The following SAMD4A variants were observed in gnomAD, a reference collection of about 807,000 sequenced individuals.
The protein encoded by SAMD4A is protein Smaug homolog 1.
In SAMD4A, 33 loss-of-function variants were observed where a neutral mutation model predicts 81.3. The ratio of observed to expected loss-of-function variants is 0.41; its 90% CI spans 0.31 to 0.54. The LOEUF (loss-of-function observed/expected upper bound fraction) is 0.54, where lower values mean the gene tolerates loss of function less well. SAMD4A is among the 20% of genes least tolerant of loss of function. The pLI is 0.37. For missense variants in SAMD4A, 854 were observed against 951.1 expected, an observed-to-expected ratio of 0.90 and a Z score of 1.34; for synonymous variants, 389 against 382.1, an observed-to-expected ratio of 1.02 and a Z score of -0.21.
In SAMD4A at chr14:54,619,686, A is replaced by C. The variant is rs189523270; in HGVS notation, c.196+51574A>C. 1.7e-3 allele frequency among the ~76,000 whole-genome samples: 257 copies of C among 152,076 alleles called. 5 individuals are homozygous for C. The highest frequency in any genetic ancestry group is 1.9e-3 in the East Asian group (10 of 5,176). On this transcript the variant is annotated intron_variant, in intron 2 of 12. Transcript: ENST00000554335. ...GTCCCAGTGTCTGTTGTTCCCCTCT[A>C]TGTGTCCAAGTGTTCTCATCATGTA...
At chr14:54,566,847 G>A (rs921691432), upstream of SAMD4A, among the ~76,000 whole-genome samples, 6 of 152,234 alleles carry the variant, frequency 3.9e-5, no homozygotes, top group Non-Finnish European at 8.8e-5. Context: ...CGCGGCGCGG[G>A]GGAGCCGGGG....
At chr14:54,674,192 C>A (rs1363551414) in intron 2 of SAMD4A, among the ~76,000 whole-genome samples, 2 of 152,216 alleles carry the variant, frequency 1.3e-5, no homozygotes, top group African/African-American at 4.8e-5. Context: ...CGGCAAGAAG[C>A]CTGGCAAGAG....
chr14:54,784,748 G>A (rs182234352), intron 12 of SAMD4A, 128 bp downstream of exon 12: 2 of 846,880 alleles, frequency 2.4e-6, no homozygotes, highest in East Asian at 2.5e-5. Flanking sequence ...GGTAGGCAGG[G>A]GACAGGGAGA....
intron 2 of SAMD4A, among the ~76,000 whole-genome samples, chr14:54,667,126 T>C (rs1241382447): frequency 2.0e-5 from 3 of 152,154 alleles, no homozygotes; most frequent in African/African-American, 7.2e-5. Context: ...TTTCACGCTC[T>C]TGTATTTTGC....
chr14:54,568,029 C>T lies in SAMD4A; in HGVS notation c.113C>T (p.Ala38Val). The T allele has an allele frequency of 6.2e-7, 1 of 1,604,836 alleles. No individual in the cohort carries two copies. The highest frequency in any genetic ancestry group is 8.5e-7 in the Non-Finnish European group (1 of 1,179,248). ...SLLKRVSQTQ[A>V]RFLQLCLEHS... ...CTCAAGCGCGTGAGCCAGACCCAGG[C>T]CCGCTTCCTCCAGCTCTGCCTGGAG... Residue 38 changes from alanine (A) to valine (V), a missense_variant, in exon 2 of 13, where the codon GCC (alanine) becomes GTC (valine). By Grantham distance (64) the Ala-to-Val change is moderately conservative. Around this residue, in one of 3 missense-constraint regions of SAMD4A, gnomAD observed 387 missense variants for 405.8 expected, o/e 0.95. Transcript: ENST00000554335.
At chr14:54,587,835 G>T (rs1375247444) in intron 2 of SAMD4A, among the ~76,000 whole-genome samples, 1 of 152,056 alleles carries the variant, frequency 6.6e-6, no homozygotes, top group Non-Finnish European at 1.5e-5. Flanking sequence ...CAGGGATATT[G>T]GTCTGTAGTT....
At chr14:54,784,313 C>G in intron 11 of SAMD4A, 1 of 1,518,304 alleles carries the variant, frequency 6.6e-7, no homozygotes, top group Non-Finnish European at 9.0e-7. Flanking sequence ...ACATGACCAG[C>G]TATTTTTAGT....
chr14:54,699,603 T>C (rs761931804), intron 2 of SAMD4A, among the ~76,000 whole-genome samples: 19 of 152,228 alleles, frequency 1.2e-4, no homozygotes, highest in Non-Finnish European at 1.9e-4. Context: ...GAAAAATGGC[T>C]CATTAATGAT....
intron 5 of SAMD4A, among the ~76,000 whole-genome samples, chr14:54,749,154 G>T (rs773086309): frequency 2.0e-5 from 3 of 152,136 alleles, no homozygotes; most frequent in Non-Finnish European, 4.4e-5. Context: ...GGGTCGTGAG[G>T]GTGAGATCAA....
At chr14:54,689,784 A>G (rs2036385394) in intron 2 of SAMD4A, 2 of 152,230 alleles carry the variant, frequency 1.3e-5, no homozygotes, top group African/African-American at 2.4e-5. Flanking sequence ...GACTGAGTAG[A>G]GGCAAGAGGA....
chr14:54,643,610 C>T (rs1043823110), intron 2 of SAMD4A, among the ~76,000 whole-genome samples: 2 of 152,180 alleles, frequency 1.3e-5, no homozygotes, highest in African/African-American at 2.4e-5. Flanking sequence ...TCCCTTTCAG[C>T]CGGTAGGCAA....
At chr14:54,788,855 G>A (rs1287738307) in intron 12 of SAMD4A, 61 bp from the exon 13 acceptor site, 4 of 1,609,460 alleles carry the variant, frequency 2.5e-6, no homozygotes, top group Non-Finnish European at 3.4e-6. Context: ...GTTGGCATAG[G>A]TGGGCACGAA....
At chr14:54,640,366 C>A (rs79367455) in intron 2 of SAMD4A, among the ~76,000 whole-genome samples, 1 of 152,208 alleles carries the variant, frequency 6.6e-6, no homozygotes, top group Non-Finnish European at 1.5e-5. Flanking sequence ...TAAGAGGTCC[C>A]TATTGACACA....
Position 54,598,357 on chromosome 14 carries a change from G to T in SAMD4A, c.196+30245G>T, listed in dbSNP as rs1053037703. ...ATGTAGTTACATGCAAATACACAATGAGGTAATACTGTATGCATCCTATTT... is the reference window on the plus strand; with the variant it reads ...ATGTAGTTACATGCAAATACACAATTAGGTAATACTGTATGCATCCTATTT... On this transcript the variant is annotated intron_variant, in intron 2 of 12. Coordinates refer to ENST00000554335, the MANE Select transcript of SAMD4A (RefSeq NM_015589.6). 8.5e-5 allele frequency among the ~76,000 whole-genome samples: 13 copies of T among 152,254 alleles called. No homozygotes were observed. In the East Asian group the frequency reaches 2.5e-3, roughly 29 times the overall value.
At chr14:54,597,676 A>C (rs1033462120) in intron 2 of SAMD4A, among the ~76,000 whole-genome samples, 2 of 138,094 alleles carry the variant, frequency 1.4e-5, no homozygotes, top group African/African-American at 2.8e-5. Context: ...TGCAGCCTCG[A>C]CCTCCCAGGT....
intron 2 of SAMD4A, among the ~76,000 whole-genome samples, chr14:54,630,955 T>TGTGTGTGTGTGTGA (rs1566557252): frequency 7.5e-6 from 1 of 133,776 alleles, no homozygotes; most frequent in African/African-American, 2.8e-5. Flanking sequence ...TGTGTGTGTG[T>TGTGTGTGTGTGTGA]GATGAGAAAT....
intron 2 of SAMD4A, among the ~76,000 whole-genome samples, chr14:54,616,620 T>C (rs985559209): frequency 1.2e-4 from 18 of 152,216 alleles, no homozygotes; most frequent in African/African-American, 4.3e-4. Context: ...GATATAGTCA[T>C]AATTACCATT....
Position 54,726,195 on chromosome 14 carries a change from G to A in SAMD4A, c.716-10829G>A, listed in dbSNP as rs369912520. Among the ~76,000 whole-genome samples, 15 of 152,124 alleles carry A rather than the reference G, an allele frequency of 9.9e-5. 1 individual carries two copies. The highest frequency in any genetic ancestry group is 5.2e-4 in the Admixed American group (8 of 15,268). ...CTGCAGCTGATTCACATTCAAATGGGGCCTGAGGCTGACCCCTGACCCTCT... is the reference window on the plus strand; with the variant it reads ...CTGCAGCTGATTCACATTCAAATGGAGCCTGAGGCTGACCCCTGACCCTCT... On this transcript the variant is annotated intron_variant, in intron 3 of 12. Transcript: ENST00000554335.
rs34263162 is a variant in SAMD4A, at chr14:54,737,561, T to TTTTTTTTTTTTTTTTG, written c.979+274_979+275insTTTTTTTTTTTTTTTG. Among the ~76,000 whole-genome samples the TTTTTTTTTTTTTTTTG allele has an allele frequency of 6.0e-4, 74 of 122,616 alleles. 5 individuals are homozygous for TTTTTTTTTTTTTTTTG. Among genetic ancestry groups the TTTTTTTTTTTTTTTTG allele is most frequent in the South Asian group, 3.0e-3 (10 of 3,280 alleles). The allele number at this position is 122,616 out of a possible 152,430, so 80.4% of individuals were successfully genotyped here. On this transcript the variant is annotated intron_variant, in intron 4 of 12. Transcript: ENST00000554335. Reference sequence around the variant, plus strand: ...CTCTCTCTTTTTTTTTTTTTTTTTTTGCATTGCAGTGACTTGTAGACCATT... The same window carrying TTTTTTTTTTTTTTTTG: ...CTCTCTCTTTTTTTTTTTTTTTTTTTTTTTTTTTTTTTTTTGGCATTGCAGTGACTTGTAGACCATT...
Sources: gnomAD v4.1 joint callset for allele counts (sites outside exome capture counted in the v4.1 genomes callset) on GRCh38, gnomAD v4.1.1 for gene constraint, gnomAD v4.1.1 regional missense constraint, MANE v1.5 for transcripts, NCBI Gene and HGNC (gene_info 2026-07-23, HGNC 2026-07-21) for gene names.